CNOT6L: variants seen among roughly 807,000 people sequenced by gnomAD.
CNOT6L encodes the protein CCR4-NOT transcription complex subunit 6 like.
CNOT6L carries 7 observed loss-of-function variants against 64.0 expected under a neutral mutation model. The observed-to-expected ratio is 0.11, with a 90% CI of 0.06 to 0.21. CNOT6L has a LOEUF of 0.21. CNOT6L is among the 10% of genes least tolerant of loss of function. The pLI is 1.00. For missense variants in CNOT6L, 245 were observed against 669.0 expected (o/e 0.37, Z 6.99); for synonymous variants, 193 against 243.4 (o/e 0.79, Z 1.93).
At chr4:77,782,561 G>A (rs142882455) in intron 1 of CNOT6L, among the ~76,000 whole-genome samples, 142 of 149,916 alleles carry the variant, frequency 9.5e-4, no homozygotes, top group African/African-American at 3.5e-3. Context: ...AGCTGGTCTT[G>A]AACTCCTGCC....
chr4:77,800,861 T>C (rs1231366364), intron 1 of CNOT6L, among the ~76,000 whole-genome samples: 1 of 152,168 alleles, frequency 6.6e-6, no homozygotes, highest in Non-Finnish European at 1.5e-5. Context: ...ACATCTTAAT[T>C]ACAAAAGGAT....
chr4:77,790,786 T>A (rs1167620052), intron 1 of CNOT6L, among the ~76,000 whole-genome samples: 1 of 151,620 alleles, frequency 6.6e-6, no homozygotes, highest in Non-Finnish European at 1.5e-5. Flanking sequence ...GTAGCCAGAA[T>A]TACAGGTGCC....
At chr4:77,756,268 C>T (rs1725572086) in intron 5 of CNOT6L, among the ~76,000 whole-genome samples, 1 of 152,188 alleles carries the variant, frequency 6.6e-6, no homozygotes, top group Non-Finnish European at 1.5e-5. Context: ...GCTAGGATTA[C>T]AAGTGTGAGC....
intron 1 of CNOT6L, among the ~76,000 whole-genome samples, chr4:77,803,499 T>G (rs1731841843): frequency 6.6e-6 from 1 of 152,212 alleles, no homozygotes; most frequent in African/African-American, 2.4e-5. Flanking sequence ...TATACAAGTT[T>G]TTTCACTGCA....
chr4:77,803,851 C>A (rs1224794846), intron 1 of CNOT6L, among the ~76,000 whole-genome samples: 2 of 151,538 alleles, frequency 1.3e-5, no homozygotes, highest in African/African-American at 4.9e-5. Context: ...TGCAGTGAGC[C>A]GAGATCATGC....
At chr4:77,794,757 A>G (rs922062757) in intron 1 of CNOT6L, among the ~76,000 whole-genome samples, 3 of 152,144 alleles carry the variant, frequency 2.0e-5, no homozygotes, top group African/African-American at 7.2e-5. Flanking sequence ...TACACCAGAC[A>G]CCAGAAGTTC....
intron 1 of CNOT6L, among the ~76,000 whole-genome samples, chr4:77,785,692 CAAT>C: frequency 6.6e-6 from 1 of 152,092 alleles, no homozygotes; most frequent in Non-Finnish European, 1.5e-5. Context: ...CTAAAAACCA[CAAT>C]GAGATATCGC....
intron 1 of CNOT6L, among the ~76,000 whole-genome samples, chr4:77,782,194 A>G (rs1728935978): frequency 6.6e-6 from 1 of 152,174 alleles, no homozygotes; most frequent in African/African-American, 2.4e-5. Context: ...ATCTTAATAA[A>G]TAACTATCCT....
chr4:77,814,239 C>T (rs557358474), intron 1 of CNOT6L, among the ~76,000 whole-genome samples: 92 of 152,082 alleles, frequency 6.0e-4, no homozygotes, highest in Non-Finnish European at 1.1e-3. Flanking sequence ...AAGGGTGACT[C>T]TTGAAAGATA....
intron 1 of CNOT6L, among the ~76,000 whole-genome samples, chr4:77,803,069 C>T (rs1302091231): frequency 6.6e-6 from 1 of 151,918 alleles, no homozygotes; most frequent in Non-Finnish European, 1.5e-5. Context: ...AAAGTCTCTG[C>T]AATATTGATA....
chr4:77,797,102 C>CAATAAA (rs1730935335), intron 1 of CNOT6L, among the ~76,000 whole-genome samples: 1 of 52,988 alleles, frequency 1.9e-5, no homozygotes, highest in African/African-American at 8.0e-5. Context: ...GACCTTGTCT[C>CAATAAA]AAAAAAAAAA....
intron 8 of CNOT6L, among the ~76,000 whole-genome samples, chr4:77,734,228 G>A (rs945525978): frequency 7.2e-5 from 11 of 152,034 alleles, no homozygotes; most frequent in Non-Finnish European, 1.2e-4. Context: ...AAACAAAAAC[G>A]TGGAAAAAAT....
chr4:77,778,717 A>AC (rs1418994471), intron 1 of CNOT6L, among the ~76,000 whole-genome samples: 2 of 151,732 alleles, frequency 1.3e-5, no homozygotes, highest in African/African-American at 4.8e-5. Context: ...GGCGTGAGCC[A>AC]CGGCACCCAG....
At chr4:77,757,579 C>G (rs1480389188) in intron 4 of CNOT6L, among the ~76,000 whole-genome samples, 1 of 152,100 alleles carries the variant, frequency 6.6e-6, no homozygotes, top group African/African-American at 2.4e-5. Context: ...TTCATTAAGA[C>G]AAGCATGCAA....
At chr4:77,788,644 C>T (rs765341913) in intron 1 of CNOT6L, among the ~76,000 whole-genome samples, 31 of 152,078 alleles carry the variant, frequency 2.0e-4, no homozygotes, top group South Asian at 8.3e-4. Flanking sequence ...AAAAGAATTG[C>T]TTGAACCTGG....
chr4:77,743,614 T>TTC (rs1723851946), intron 7 of CNOT6L, among the ~76,000 whole-genome samples: 1 of 117,806 alleles, frequency 8.5e-6, no homozygotes, highest in African/African-American at 3.0e-5. Flanking sequence ...TTTTTTTTTT[T>TTC]TTTTTGAGAC....
chr4:77,776,131 A>G, intron 2 of CNOT6L, 140 bp downstream of exon 2: 1 of 788,908 alleles, frequency 1.3e-6, no homozygotes, highest in South Asian at 1.9e-5. Flanking sequence ...CACATAAAAC[A>G]GAAAACACTA....
chr4:77,769,246 A>T (rs1247462683), intron 4 of CNOT6L, among the ~76,000 whole-genome samples: 1 of 152,176 alleles, frequency 6.6e-6, no homozygotes, highest in Non-Finnish European at 1.5e-5. Context: ...CAATATCTAA[A>T]TTCAGGGTAG....
chr4:77,745,109 T>A (rs1724046021), intron 6 of CNOT6L, among the ~76,000 whole-genome samples: 1 of 152,210 alleles, frequency 6.6e-6, no homozygotes. Flanking sequence ...TTGAGAGTTT[T>A]AAGGAAATTT....
Sources: allele counts gnomAD v4.1 joint callset (sites outside exome capture counted in the v4.1 genomes callset), GRCh38; gene constraint gnomAD v4.1.1; transcripts MANE v1.5; gene names NCBI Gene and HGNC (gene_info 2026-07-23, HGNC 2026-07-21).